Variants in EPB41L3 observed in about 807,000 individuals in gnomAD.
The protein encoded by EPB41L3 is erythrocyte membrane protein band 4.1 like 3, also known as band 4.1-like protein 3.
In EPB41L3, 57 loss-of-function variants were observed where a neutral mutation model predicts 127.1. The observed-to-expected ratio is 0.45, with a 90% CI of 0.36 to 0.56. EPB41L3 has a LOEUF of 0.56. Among genes scored for constraint, EPB41L3 ranks in the 20% least tolerant of loss-of-function variants. The pLI is 0.00. For missense variants in EPB41L3, 1,273 were observed against 1,372.2 expected (o/e 0.93, Z 1.14); for synonymous variants, 572 against 549.5 (o/e 1.04, Z -0.57).
intron 14 of EPB41L3, among the ~76,000 whole-genome samples, chr18:5,408,068 G>T: frequency 6.6e-6 from 1 of 152,136 alleles, no homozygotes; most frequent in East Asian, 1.9e-4. Context: ...GGGGGAGCCA[G>T]ATTAAAATTA....
intron 1 of EPB41L3, among the ~76,000 whole-genome samples, chr18:5,618,222 TCACC>T (rs1250930737): frequency 6.6e-6 from 1 of 152,210 alleles, no homozygotes; most frequent in Non-Finnish European, 1.5e-5. Flanking sequence ...TCTAGTCTTT[TCACC>T]CTAAGGCTAA....
At chr18:5,441,577 T>G (rs1187051558) in intron 5 of EPB41L3, among the ~76,000 whole-genome samples, 1 of 151,818 alleles carries the variant, frequency 6.6e-6, no homozygotes, top group Admixed American at 6.6e-5. Context: ...GCCATTCTCC[T>G]GCCTCAGCCT....
chr18:5,505,469 C>A (rs555272050), intron 1 of EPB41L3, among the ~76,000 whole-genome samples: 12 of 152,062 alleles, frequency 7.9e-5, no homozygotes, highest in Non-Finnish European at 1.2e-4. Context: ...CCTCCCCACA[C>A]CTACATCTCC....
chr18:5,398,633 A>G (rs1473807794), intron 16 of EPB41L3: 3 of 401,856 alleles, frequency 7.5e-6, no homozygotes, highest in Non-Finnish European at 8.8e-6. Flanking sequence ...TGTGGCCCCA[A>G]TGAGTGACAC....
intron 3 of EPB41L3, among the ~76,000 whole-genome samples, chr18:5,592,661 C>G (rs914872077): frequency 6.6e-6 from 1 of 152,176 alleles, no homozygotes; most frequent in African/African-American, 2.4e-5. Context: ...CTTCCCATAA[C>G]AGAGGCAGAG....
chr18:5,516,140 A>G (rs920041904), intron 1 of EPB41L3, among the ~76,000 whole-genome samples: 4 of 152,184 alleles, frequency 2.6e-5, no homozygotes, highest in Non-Finnish European at 5.9e-5. Context: ...CCACATCCAG[A>G]GCCCCAAGTC....
chr18:5,463,906 G>A (rs1323706536), intron 3 of EPB41L3: 3 of 152,192 alleles, frequency 2.0e-5, no homozygotes, highest in South Asian at 2.1e-4. Context: ...CTATGTTTAC[G>A]CGATGTTTTG....
In EPB41L3 at chr18:5,417,442, G is replaced by A. The variant is rs117945612; in HGVS notation, c.1507-1064C>T. ...ACAAGAAGGGGAGGAAGGAAAGCAC[G>A]CAAGCCCCAAGCAGGACCTGGGCAG... On this transcript the variant is annotated intron_variant, in intron 12 of 22. Transcript: ENST00000341928. Among the ~76,000 whole-genome samples the A allele has an allele frequency of 9.8e-5, 15 of 152,286 alleles. No homozygotes were observed. The East Asian group carries it at 1.4e-3, about 14-fold the overall frequency.
intron 3 of EPB41L3, 67 bp downstream of exon 3, chr18:5,478,174 A>G (rs2087634271): frequency 1.6e-5 from 23 of 1,419,570 alleles, no homozygotes; most frequent in Middle Eastern, 4.4e-4. Context: ...GGCATCTTGT[A>G]TATTTTATAC....
intron 6 of EPB41L3, among the ~76,000 whole-genome samples, chr18:5,436,390 C>T (rs969675184): frequency 4.0e-5 from 6 of 150,028 alleles, no homozygotes; most frequent in African/African-American, 1.5e-4. Flanking sequence ...AAACCATGCA[C>T]TACATTTTCT....
At chr18:5,586,096 C>A (rs1189285533) in intron 3 of EPB41L3, among the ~76,000 whole-genome samples, 1 of 152,178 alleles carries the variant, frequency 6.6e-6, no homozygotes, top group Non-Finnish European at 1.5e-5. Flanking sequence ...AAATTCCCTG[C>A]ATTCCATTCT....
chr18:5,611,361 A>C (rs1487892562), intron 3 of EPB41L3, among the ~76,000 whole-genome samples: 3 of 152,238 alleles, frequency 2.0e-5, no homozygotes, highest in South Asian at 4.1e-4. Context: ...ATGAAGCTTG[A>C]AGACACTATG....
chr18:5,593,588 G>C (rs1740799014), intron 3 of EPB41L3, among the ~76,000 whole-genome samples: 1 of 152,156 alleles, frequency 6.6e-6, no homozygotes, highest in Admixed American at 6.5e-5. Context: ...AGGCACCATT[G>C]TCATTGAAAA....
At chr18:5,598,555 C>T (rs1719985) in intron 3 of EPB41L3, among the ~76,000 whole-genome samples, 62,838 of 151,944 alleles carry the variant, frequency 0.41, 13,386 homozygotes, top group Non-Finnish European at 0.47. Flanking sequence ...AGCAAAAGTT[C>T]TTTGTGGATT....
At chr18:5,502,511 ATCTG>A (rs1371656963) in intron 1 of EPB41L3, among the ~76,000 whole-genome samples, 2 of 152,216 alleles carry the variant, frequency 1.3e-5, no homozygotes, top group African/African-American at 4.8e-5. Context: ...CACAAAGTAA[ATCTG>A]TCTAAGTGGA....
At chr18:5,405,422 T>C (rs1296416653) in intron 16 of EPB41L3, among the ~76,000 whole-genome samples, 1 of 152,198 alleles carries the variant, frequency 6.6e-6, no homozygotes, top group Non-Finnish European at 1.5e-5. Flanking sequence ...TAAAGCAACA[T>C]GATGTCTAAC....
chr18:5,478,982 C>A (rs955966446), intron 2 of EPB41L3, among the ~76,000 whole-genome samples: 5 of 152,190 alleles, frequency 3.3e-5, no homozygotes, highest in African/African-American at 1.2e-4. Context: ...ATGAAGTCAG[C>A]AGAACTGAAA....
At chr18:5,598,782 T>C (rs2094560981) in intron 3 of EPB41L3, among the ~76,000 whole-genome samples, 2 of 152,214 alleles carry the variant, frequency 1.3e-5, no homozygotes, top group Non-Finnish European at 2.9e-5. Flanking sequence ...CACTGCCTTG[T>C]TGCAGCTATT....
chr18:5,619,732 T>C (rs573472197), intron 1 of EPB41L3, among the ~76,000 whole-genome samples: 25 of 152,276 alleles, frequency 1.6e-4, no homozygotes, highest in Admixed American at 6.5e-4. Flanking sequence ...CCATGTATTA[T>C]TTTTTATTTA....
Sources: allele counts gnomAD v4.1 joint callset (sites outside exome capture counted in the v4.1 genomes callset), GRCh38; gene constraint gnomAD v4.1.1; transcripts MANE v1.5; gene names NCBI Gene and HGNC (gene_info 2026-07-23, HGNC 2026-07-21).